Variants in DOCK4 observed in about 807,000 individuals in gnomAD.
DOCK4 encodes dedicator of cytokinesis protein 4.
In DOCK4, 97 loss-of-function variants were observed where a neutral mutation model predicts 268.1. The observed-to-expected ratio is 0.36, with a 90% CI of 0.31 to 0.43. The LOEUF (loss-of-function observed/expected upper bound fraction) is 0.43. Ranked by LOEUF, DOCK4 falls within the 20% of genes least tolerant of loss-of-function variation. The pLI, the probability that DOCK4 is intolerant of heterozygous loss-of-function variation, is 1.00. For synonymous variants in DOCK4, 954 were observed against 887.2 expected (o/e 1.08, Z -1.34); for missense variants, 2,145 against 2,455.7 (o/e 0.87, Z 2.67).
chr7:111,784,252 G>A, intron 32 of DOCK4, 129 bp from the exon 33 acceptor site: 3 of 1,096,098 alleles, frequency 2.7e-6, no homozygotes, highest in Non-Finnish European at 4.0e-6. Context: ...TTTTTTCCTA[G>A]CTTCTCCCTT....
rs182236158 is a variant in DOCK4 at position 111,870,512 on chromosome 7, C to T, written c.2028-857G>A. ...AATTTTTGTATTTTTAGTAGAGGCC[C>T]GGTTTCACCATGTTGGTCAGGCTGG... On this transcript the variant is annotated intron_variant, in intron 20 of 52. Coordinates refer to ENST00000428084, the MANE Select transcript of DOCK4 (RefSeq NM_001363540.2). 2.6e-5 allele frequency among the ~76,000 whole-genome samples: 4 copies of T among 151,720 alleles called. No individual in the cohort carries two copies. In the East Asian group the frequency reaches 5.8e-4, roughly 22 times the overall value.
intron 43 of DOCK4, among the ~76,000 whole-genome samples, 195 bp from the exon 44 acceptor site, chr7:111,746,612 G>GTGAT (rs1796284855): frequency 6.6e-6 from 1 of 152,158 alleles, no homozygotes; most frequent in Admixed American, 6.5e-5. Context: ...AGGAAGATCA[G>GTGAT]TGATTGTACA....
At chr7:112,123,290 T>C (rs1321647972) in intron 1 of DOCK4, among the ~76,000 whole-genome samples, 1 of 152,110 alleles carries the variant, frequency 6.6e-6, no homozygotes, top group Non-Finnish European at 1.5e-5. Context: ...TTGGGAGAGA[T>C]GGTGGCTGAG....
Position 111,778,337 on chromosome 7 carries a change from C to G in DOCK4, c.3618G>C (p.Glu1206Asp). ...GTTTGTGAATGTAGCGTATATACAT[C>G]TCCTCCTTGTTCAGTTCAGTCTTAT... is the stretch of plus-strand genomic sequence containing the variant. ...NFYKTELNKE[E>D]MYIRYIHKLY... The change falls in exon 36 of 53, where the codon GAG becomes GAC. Residue 1206 changes from glutamate (E) to aspartate (D), a missense_variant. Around this residue, in one of 2 missense-constraint regions of DOCK4, gnomAD observed 1,598 missense variants for 1,986.7 expected, o/e 0.80. Coordinates refer to ENST00000428084, the MANE Select transcript of DOCK4 (RefSeq NM_001363540.2). 6.2e-7 allele frequency: 1 copy of G among 1,612,570 alleles called. No individual in the cohort carries two copies. The highest frequency in any genetic ancestry group is 8.5e-7 in the Non-Finnish European group (1 of 1,178,880).
chr7:112,127,114 T>G (rs1286687451), intron 1 of DOCK4, among the ~76,000 whole-genome samples: 1 of 150,412 alleles, frequency 6.6e-6, no homozygotes. Context: ...TGCACACGTA[T>G]GTTTATTGCG....
chr7:112,056,784 TTTTAC>T (rs2135575808), intron 1 of DOCK4, among the ~76,000 whole-genome samples: 1 of 152,310 alleles, frequency 6.6e-6, no homozygotes, highest in African/African-American at 2.4e-5. Context: ...ACTTCTGTGG[TTTTAC>T]TTTAGTCAGC....
intron 8 of DOCK4, among the ~76,000 whole-genome samples, chr7:111,958,278 A>G (rs879768637): frequency 6.6e-6 from 1 of 152,190 alleles, no homozygotes; most frequent in Non-Finnish European, 1.5e-5. Context: ...TGGAAAAGGA[A>G]CTAAGAAGAA....
intron 8 of DOCK4, among the ~76,000 whole-genome samples, chr7:111,975,126 G>A (rs887935495): frequency 5.3e-5 from 8 of 152,172 alleles, no homozygotes; most frequent in African/African-American, 1.9e-4. Context: ...AATTAGCTGG[G>A]CGTGGTGGCG....
At chr7:111,903,809 G>A (rs978923866) in intron 13 of DOCK4, among the ~76,000 whole-genome samples, 16 of 152,184 alleles carry the variant, frequency 1.1e-4, no homozygotes, top group Admixed American at 9.8e-4. Flanking sequence ...AGATACTTTA[G>A]AGCAAAATAT....
At chr7:112,134,453 C>A (rs892395933) in intron 1 of DOCK4, among the ~76,000 whole-genome samples, 1 of 152,336 alleles carries the variant, frequency 6.6e-6, no homozygotes, top group Non-Finnish European at 1.5e-5. Flanking sequence ...GGCACGGTGG[C>A]TCACGCCTGT....
At chr7:112,110,832 T>C (rs1811583688) in intron 1 of DOCK4, among the ~76,000 whole-genome samples, 1 of 152,120 alleles carries the variant, frequency 6.6e-6, no homozygotes, top group African/African-American at 2.4e-5. Context: ...AGGGGTGGCT[T>C]ACATGCTGCA....
At chr7:111,863,263 G>T in intron 23 of DOCK4, 109 bp downstream of exon 23, 1 of 1,169,880 alleles carries the variant, frequency 8.5e-7, no homozygotes, top group Non-Finnish European at 1.2e-6. Context: ...ATGGTTTTGA[G>T]AAAATGCCTT....
Position 112,095,663 on chromosome 7 carries a change from G to A in DOCK4, c.38-91532C>T, listed in dbSNP as rs192872070. On this transcript the variant is annotated intron_variant, in intron 1 of 52. Transcript: ENST00000428084. ...GTAGAGAAGGACAAAATAAAAGCAAGAAATTTTAAAACACAACCATGAAAT... is the reference window on the plus strand; with the variant it reads ...GTAGAGAAGGACAAAATAAAAGCAAAAAATTTTAAAACACAACCATGAAAT... Among the ~76,000 whole-genome samples the A allele has an allele frequency of 1.2e-4, 18 of 152,100 alleles. No individual in the cohort carries two copies. In the East Asian group the frequency reaches 2.7e-3, roughly 23 times the overall value.
At chr7:111,942,858 G>A (rs1284164340) in intron 10 of DOCK4, among the ~76,000 whole-genome samples, 1 of 152,186 alleles carries the variant, frequency 6.6e-6, no homozygotes, top group African/African-American at 2.4e-5. Flanking sequence ...CTGTCCAGGT[G>A]TGCTCTTACC....
chr7:111,735,730 C>A lies in DOCK4; in HGVS notation c.5306-563G>T, dbSNP rs73203102. On this transcript the variant is annotated intron_variant, in intron 50 of 52. Coordinates refer to ENST00000428084, the MANE Select transcript of DOCK4 (RefSeq NM_001363540.2). ...TATTTTGTAATTTGTCTGCTCTGTG[C>A]TTCGATAAGATGCAGGAATATGGGG... 5.6e-3 allele frequency among the ~76,000 whole-genome samples: 845 copies of A among 152,240 alleles called. 5 individuals carry two copies. The highest frequency in any genetic ancestry group is 0.031 in the Middle Eastern group (9 of 294).
intron 44 of DOCK4, among the ~76,000 whole-genome samples, chr7:111,742,960 T>G (rs1424002971): frequency 6.6e-6 from 1 of 151,230 alleles, no homozygotes; most frequent in African/African-American, 2.4e-5. Context: ...CCACTGCATT[T>G]CAGCCTAGGT....
chr7:112,078,855 G>T (rs1247365700), intron 1 of DOCK4, among the ~76,000 whole-genome samples: 1 of 152,158 alleles, frequency 6.6e-6, no homozygotes, highest in Non-Finnish European at 1.5e-5. Flanking sequence ...GCCGGGTGCG[G>T]TGGCTCACAC....
At chr7:112,107,838 T>C (rs960035034) in intron 1 of DOCK4, among the ~76,000 whole-genome samples, 2 of 152,222 alleles carry the variant, frequency 1.3e-5, no homozygotes, top group Admixed American at 6.5e-5. Context: ...TCACTCACTT[T>C]GGTGATGTGC....
At chr7:111,914,130 G>A (rs1240890745) in intron 13 of DOCK4, among the ~76,000 whole-genome samples, 1 of 152,090 alleles carries the variant, frequency 6.6e-6, no homozygotes, top group African/African-American at 2.4e-5. Context: ...TCTCCATGCT[G>A]CATTCTCCAA....
Sources: gnomAD v4.1 joint callset for allele counts (sites outside exome capture counted in the v4.1 genomes callset) on GRCh38, gnomAD v4.1.1 for gene constraint, gnomAD v4.1.1 regional missense constraint, MANE v1.5 for transcripts, NCBI Gene and HGNC (gene_info 2026-07-23, HGNC 2026-07-21) for gene names.